The following NBAS variants were observed in gnomAD, a reference collection of about 807,000 sequenced individuals.
NBAS encodes the protein NBAS subunit of NRZ tethering complex, also known as NAG/BC035112 fusion.
In NBAS, 219 loss-of-function variants were observed where a neutral mutation model predicts 302.5. The observed-to-expected ratio is 0.72, with a 90% CI of 0.65 to 0.81. NBAS has a LOEUF of 0.81. Ranked by LOEUF, NBAS falls within the 30% of genes least tolerant of loss-of-function variation. NBAS has a pLI of 0.00. For missense variants in NBAS, 2,932 were observed against 2,841.6 expected (o/e 1.03, Z -0.72); for synonymous variants, 1,118 against 1,021.6 (o/e 1.09, Z -1.80).
At chr2:15,329,737 G>A (rs566660547) in intron 36 of NBAS, among the ~76,000 whole-genome samples, 2 of 152,244 alleles carry the variant, frequency 1.3e-5, no homozygotes. Context: ...CCCCAGTCCA[G>A]GGGAGCTAGA....
intron 30 of NBAS, among the ~76,000 whole-genome samples, chr2:15,378,215 T>A (rs1674847962): frequency 6.6e-6 from 1 of 152,136 alleles, no homozygotes. Flanking sequence ...TTAAAAAGTA[T>A]GTCTCTAGAA....
chr2:14,913,551 C>A, the NBAS span, among the ~76,000 whole-genome samples: 14 of 147,684 alleles, frequency 9.5e-5, no homozygotes, highest in Non-Finnish European at 1.2e-4. Context: ...GGAAGCTAAA[C>A]TAACTGAGAT....
intron 25 of NBAS, among the ~76,000 whole-genome samples, chr2:15,404,607 G>C (rs13410252): frequency 0.037 from 5,543 of 151,580 alleles, 347 homozygotes; most frequent in African/African-American, 0.13. Flanking sequence ...CCACCTCCCA[G>C]GTCCAAGCGA....
intron 38 of NBAS, among the ~76,000 whole-genome samples, chr2:15,316,706 A>T (rs987164229): frequency 2.0e-5 from 3 of 152,110 alleles, no homozygotes; most frequent in Non-Finnish European, 4.4e-5. Context: ...TTGAGTAGGT[A>T]AATAAAGTGG....
chr2:15,377,165 T>C (rs1290075915), intron 30 of NBAS, among the ~76,000 whole-genome samples: 2 of 152,012 alleles, frequency 1.3e-5, no homozygotes, highest in African/African-American at 2.4e-5. Flanking sequence ...AGGCATAGGG[T>C]AAATATTCCT....
At chr2:14,990,247 T>C in the NBAS span, among the ~76,000 whole-genome samples, 37 of 125,042 alleles carry the variant, frequency 3.0e-4, no homozygotes, top group African/African-American at 1.1e-3. Context: ...ACCCTGTCCC[T>C]ACTAAAACTC....
chr2:15,499,901 T>C (rs938538329), intron 11 of NBAS, among the ~76,000 whole-genome samples: 3 of 152,092 alleles, frequency 2.0e-5, no homozygotes, highest in Admixed American at 1.3e-4. Context: ...GAAATTGTCA[T>C]GAAATACGGC....
the NBAS span, among the ~76,000 whole-genome samples, chr2:14,886,155 T>TAGGC: frequency 6.6e-6 from 1 of 151,976 alleles, no homozygotes; most frequent in Non-Finnish European, 1.5e-5. Context: ...TCAGTCTCCA[T>TAGGC]AGGCAGGCAG....
intron 10 of NBAS, 53 bp from the exon 11 acceptor site, chr2:15,504,266 G>A: frequency 7.3e-7 from 1 of 1,377,188 alleles, no homozygotes; most frequent in Non-Finnish European, 1.0e-6. Flanking sequence ...ACTTATCGTT[G>A]TAAAATGTCC....
chr2:14,836,169 G>A, the NBAS span, among the ~76,000 whole-genome samples: 2 of 151,870 alleles, frequency 1.3e-5, no homozygotes, highest in East Asian at 1.9e-4. Flanking sequence ...TGATTTACAA[G>A]AGATCTTTGT....
chr2:15,279,765 A>G (rs1669744140), intron 42 of NBAS, among the ~76,000 whole-genome samples: 1 of 152,182 alleles, frequency 6.6e-6, no homozygotes, highest in African/African-American at 2.4e-5. Context: ...CTTTTCAGTA[A>G]ATTACAAGGT....
At chr2:15,237,450 A>T (rs531408332) in intron 45 of NBAS, among the ~76,000 whole-genome samples, 15 of 152,094 alleles carry the variant, frequency 9.9e-5, no homozygotes, top group African/African-American at 3.6e-4. Flanking sequence ...TGTTGGAAAC[A>T]TGCAACATAA....
intron 29 of NBAS, 33 bp downstream of exon 29, chr2:15,383,182 T>C: frequency 6.6e-7 from 1 of 1,505,204 alleles, no homozygotes; most frequent in Non-Finnish European, 9.0e-7. Context: ...AATTGTTAAA[T>C]TAAAAAAAAA....
chr2:14,855,206 G>A, the NBAS span, among the ~76,000 whole-genome samples: 16 of 151,840 alleles, frequency 1.1e-4, no homozygotes, highest in Non-Finnish European at 1.3e-4. Flanking sequence ...GAAAGGACCC[G>A]GTCCTGCCAG....
chr2:14,793,418 G>A, the NBAS span, among the ~76,000 whole-genome samples: 11,667 of 152,142 alleles, frequency 0.077, 556 homozygotes, highest in African/African-American at 0.13. Flanking sequence ...AATATAAAAT[G>A]TTGGATGGGT....
chr2:14,811,757 C>A, the NBAS span, among the ~76,000 whole-genome samples: 72 of 152,140 alleles, frequency 4.7e-4, no homozygotes, highest in African/African-American at 1.7e-3. Flanking sequence ...AACCAGGAAC[C>A]AGGAACCAGG....
chr2:15,297,799 A>G (rs1327501916), intron 40 of NBAS, among the ~76,000 whole-genome samples: 2 of 152,124 alleles, frequency 1.3e-5, no homozygotes, highest in East Asian at 3.9e-4. Flanking sequence ...GTCATTCCGT[A>G]TTGTTCCAGG....
chr2:15,308,227 G>T lies in NBAS; in HGVS notation c.4786C>A (p.Pro1596Thr), dbSNP rs769010948. ...TCATGAAGACTCACCCTGTAAAGAG[G>T]ATGGCACTTGTCCCTGAAACATGGG... ...LAPCFRDKCH[P>T]LYRADPKELI... The change falls in exon 40 of 52, where the codon CCT becomes ACT. Residue 1596 changes from proline (P) to threonine (T), a missense_variant. Pro to Thr is a conservative substitution (Grantham distance 38, BLOSUM62 -1). Transcript: ENST00000281513. 1.2e-6 allele frequency: 2 copies of T among 1,614,172 alleles called. No homozygotes were observed. Among genetic ancestry groups the T allele is most frequent in the Non-Finnish European group, 1.7e-6 (2 of 1,180,022 alleles).
At chr2:14,809,027 C>A in the NBAS span, among the ~76,000 whole-genome samples, 1 of 152,312 alleles carries the variant, frequency 6.6e-6, no homozygotes, top group South Asian at 2.1e-4. Context: ...TGTAGAGTAT[C>A]TAGCAGAAGG....
Sources: allele counts gnomAD v4.1 joint callset (sites outside exome capture counted in the v4.1 genomes callset), GRCh38; gene constraint gnomAD v4.1.1; transcripts MANE v1.5; gene names NCBI Gene and HGNC (gene_info 2026-07-23, HGNC 2026-07-21).